IGF2R: variants seen among roughly 807,000 people sequenced by gnomAD.
The protein encoded by IGF2R is cation-independent mannose-6-phosphate receptor.
IGF2R carries 91 observed loss-of-function variants against 270.6 expected under a neutral mutation model. The observed-to-expected ratio is 0.34, with a 90% CI of 0.28 to 0.40. The LOEUF (loss-of-function observed/expected upper bound fraction) is 0.40. Ranked by LOEUF, IGF2R falls within the 10% of genes least tolerant of loss-of-function variation. IGF2R has a pLI of 1.00. For missense variants in IGF2R, 2,805 were observed against 3,188.3 expected (o/e 0.88, Z 2.90); for synonymous variants, 1,316 against 1,258.9 (o/e 1.05, Z -0.96).
At chr6:160,031,515 C>T (rs1777695941) in intron 7 of IGF2R, among the ~76,000 whole-genome samples, 1 of 152,084 alleles carries the variant, frequency 6.6e-6, no homozygotes, top group African/African-American at 2.4e-5. Context: ...TGTCCACCTT[C>T]TTCCTGTCTC....
At chr6:160,093,811 G>A (rs1779285102) in intron 44 of IGF2R, 2 of 735,532 alleles carry the variant, frequency 2.7e-6, no homozygotes, top group Non-Finnish European at 5.1e-6. Context: ...GTGATGAGCT[G>A]TTAAGGGTGC....
chr6:159,975,670 T>C (rs1279051867), intron 1 of IGF2R, among the ~76,000 whole-genome samples: 1 of 138,354 alleles, frequency 7.2e-6, no homozygotes, highest in Non-Finnish European at 1.5e-5. Context: ...AACCCATACA[T>C]GTATTATATA....
At chr6:160,001,883 AC>A (rs1424618464) in intron 2 of IGF2R, among the ~76,000 whole-genome samples, 1 of 152,110 alleles carries the variant, frequency 6.6e-6, no homozygotes, top group African/African-American at 2.4e-5. Flanking sequence ...TATGCATTTG[AC>A]CCTTGAACAA....
At chr6:159,984,712 T>C (rs1027222255) in intron 1 of IGF2R, among the ~76,000 whole-genome samples, 2 of 152,138 alleles carry the variant, frequency 1.3e-5, no homozygotes, top group African/African-American at 4.8e-5. Context: ...AGTGACAGAA[T>C]TGCCTCATGA....
intron 10 of IGF2R, among the ~76,000 whole-genome samples, chr6:160,036,465 G>A (rs550039988): frequency 2.6e-5 from 4 of 152,198 alleles, no homozygotes; most frequent in Middle Eastern, 3.4e-3. Flanking sequence ...CCTGGACTCC[G>A]GCTGGCTCAG....
At chr6:160,055,678 G>T (rs1778297003) in intron 19 of IGF2R, among the ~76,000 whole-genome samples, 2 of 152,130 alleles carry the variant, frequency 1.3e-5, no homozygotes, top group African/African-American at 4.8e-5. Context: ...CCCTGGGCAG[G>T]TGTCTTAACT....
chr6:160,008,245 A>G (rs1175148277), intron 2 of IGF2R, among the ~76,000 whole-genome samples: 1 of 152,148 alleles, frequency 6.6e-6, no homozygotes, highest in Non-Finnish European at 1.5e-5. Flanking sequence ...GTCTTTTTCC[A>G]TATGGAAAAC....
intron 29 of IGF2R, among the ~76,000 whole-genome samples, chr6:160,065,814 G>GTGTGTGTATGTATATATATATA: frequency 2.3e-4 from 18 of 78,388 alleles, no homozygotes; most frequent in Admixed American, 1.6e-4. Context: ...GTGTGTGTGT[G>GTGTGTGTATGTATATATATATA]TATATATATA....
At chr6:160,036,405 C>G (rs1241552186) in intron 10 of IGF2R, among the ~76,000 whole-genome samples, 1 of 152,166 alleles carries the variant, frequency 6.6e-6, no homozygotes. Context: ...TGCCCAGCCC[C>G]TCTGATGCCT....
At chr6:160,030,421 G>C (rs1777669732) in intron 7 of IGF2R, among the ~76,000 whole-genome samples, 1 of 152,188 alleles carries the variant, frequency 6.6e-6, no homozygotes, top group South Asian at 2.1e-4. Context: ...CTGACGTCAG[G>C]CTGGCAGCTG....
rs2115203849 is a variant in IGF2R at position 160,009,208 on chromosome 6, G to A, written c.414+74G>A. On this transcript the variant is annotated intron_variant, in intron 3 of 47. Transcript: ENST00000356956. ...TGCCCCTTGGTGTTCTGGCTGTAGA[G>A]GTATTCCAGGAAGAATCAGTGAGCA... The A allele has an allele frequency of 3.0e-6, 4 of 1,330,876 alleles. No homozygotes were observed. The South Asian group carries it at 4.5e-5, about 15-fold the overall frequency. The allele number at this position is 1,330,876 out of a possible 1,614,324, so 82.4% of individuals were successfully genotyped here.
At chr6:160,071,206 A>G (rs1232767010) in intron 31 of IGF2R, among the ~76,000 whole-genome samples, 11 of 103,274 alleles carry the variant, frequency 1.1e-4, no homozygotes, top group East Asian at 4.3e-4. Context: ...TGTGCCCCAG[A>G]CCCAGGAGGC....
chr6:160,051,535 G>A (rs529681173), intron 19 of IGF2R, among the ~76,000 whole-genome samples: 1 of 152,264 alleles, frequency 6.6e-6, no homozygotes, highest in South Asian at 2.1e-4. Flanking sequence ...CTGATCCTTG[G>A]GGTATTGCTT....
chr6:160,094,319 G>A (rs1178682690), intron 44 of IGF2R: 6 of 265,312 alleles, frequency 2.3e-5, no homozygotes, highest in Admixed American at 4.8e-5. Flanking sequence ...GAATCCTGCC[G>A]AGGAACAAGC....
intron 11 of IGF2R, 21 bp downstream of exon 11, chr6:160,040,745 C>T (rs371403611): frequency 5.9e-5 from 94 of 1,602,818 alleles, no homozygotes; most frequent in Admixed American, 2.0e-4. Context: ...CCTTGCCATG[C>T]GGGTCTTAGT....
intron 1 of IGF2R, among the ~76,000 whole-genome samples, chr6:159,972,112 GA>G (rs1783617905): frequency 6.6e-6 from 1 of 152,052 alleles, no homozygotes; most frequent in Non-Finnish European, 1.5e-5. Flanking sequence ...AATGTAAGTT[GA>G]TTTTTTTTTT....
intron 1 of IGF2R, among the ~76,000 whole-genome samples, chr6:159,973,581 T>C (rs1783643616): frequency 6.6e-6 from 1 of 152,224 alleles, no homozygotes; most frequent in African/African-American, 2.4e-5. Flanking sequence ...AGTGCTTATA[T>C]GCCTAATTTG....
chr6:160,043,272 G>T lies in IGF2R; in HGVS notation c.1605G>T (p.Ala535=). The T allele has an allele frequency of 1.5e-5, 24 of 1,614,070 alleles. No individual in the cohort carries two copies. The highest frequency in any genetic ancestry group is 2.0e-5 in the Non-Finnish European group (24 of 1,179,958). The stretch of plus-strand genomic sequence containing the variant: ...AGGCACGAGGGTGTCCCGAGGACGC[G>T]GCAGTGTGTGCAGTGGGTGAGTTGT... ...EGKARGCPED[A]AVCAVDKNGS... Residue 535 remains alanine, a synonymous_variant, in exon 12 of 48, where the codon GCG becomes GCT. Transcript: ENST00000356956.
At chr6:160,018,116 A>G (rs1026676682) in intron 4 of IGF2R, among the ~76,000 whole-genome samples, 6 of 152,166 alleles carry the variant, frequency 3.9e-5, no homozygotes, top group African/African-American at 1.2e-4. Flanking sequence ...GCTTACAAGA[A>G]AGCCAGAACT....
Sources: allele counts gnomAD v4.1 joint callset (sites outside exome capture counted in the v4.1 genomes callset), GRCh38; gene constraint gnomAD v4.1.1; transcripts MANE v1.5; gene names NCBI Gene and HGNC (gene_info 2026-07-23, HGNC 2026-07-21).